Variants in KDR observed in about 807,000 individuals in gnomAD.
The protein encoded by KDR is kinase insert domain receptor.
KDR carries 43 observed loss-of-function variants against 160.9 expected under a neutral mutation model. The ratio of observed to expected loss-of-function variants is 0.27; its 90% CI spans 0.21 to 0.34. The LOEUF is 0.34. Ranked by LOEUF, KDR falls within the 10% of genes least tolerant of loss-of-function variation. The pLI is 1.00. For synonymous variants in KDR, 617 were observed against 600.1 expected (o/e 1.03, Z -0.41); for missense variants, 1,469 against 1,666.4 (o/e 0.88, Z 2.06).
Position 55,120,457 on chromosome 4 carries a change from C to T in KDR, c.161+640G>A, listed in dbSNP as rs368226390. Among the ~76,000 whole-genome samples the T allele has an allele frequency of 1.4e-4, 21 of 152,314 alleles. No individual in the cohort carries two copies. In the South Asian group the frequency reaches 4.1e-3, roughly 30 times the overall value. On this transcript the variant is annotated intron_variant, in intron 2 of 29. Coordinates refer to ENST00000263923, the MANE Select transcript of KDR (RefSeq NM_002253.4). Reference sequence around the variant, plus strand: ...CTCTTCTTCTTGACAAAGAAGTCTACTTCTCCAGTTATCAAAAATCAATAG... The same window carrying T: ...CTCTTCTTCTTGACAAAGAAGTCTATTTCTCCAGTTATCAAAAATCAATAG...
chr4:55,100,376 G>A (rs1186292020), intron 15 of KDR, among the ~76,000 whole-genome samples: 1 of 152,134 alleles, frequency 6.6e-6, no homozygotes, highest in Non-Finnish European at 1.5e-5. Flanking sequence ...CAAAGAGTCT[G>A]TTTTCTATGT....
rs146444498 is a variant in KDR at position 55,104,824 on chromosome 4, A to T, written c.1806T>A (p.Val602=). 4.6e-5 allele frequency: 74 copies of T among 1,613,970 alleles called. No homozygotes were observed. The African/African-American group carries it at 9.3e-4, about 20-fold the overall frequency. Reference sequence around the variant, plus strand: ...TCCAAAGAGTATCCAAGTTCTTGCAAACAGGTGTGGGCAACTCTCCCACAT... The same window carrying T: ...TCCAAAGAGTATCCAAGTTCTTGCATACAGGTGTGGGCAACTCTCCCACAT... ...PIHVGELPTP[V]CKNLDTLWKL... is the part of the protein sequence containing the mutation. The change falls in exon 13 of 30, where the codon GTT becomes GTA. Residue 602 remains valine, a synonymous_variant. Transcript: ENST00000263923.
chr4:55,088,908 A>G lies in KDR; in HGVS notation c.3470T>C (p.Val1157Ala). 1 of 1,614,144 alleles carries G rather than the reference A, an allele frequency of 6.2e-7. No individual in the cohort carries two copies. The highest frequency in any genetic ancestry group is 8.5e-7 in the Non-Finnish European group (1 of 1,179,994). The part of the protein sequence containing the change: ...PSQRPTFSEL[V>A]EHLGNLLQAN... ...TTGCAAGAGATTTCCCAAATGTTCC[A>G]CCAACTCTGAAAACGTGGGTCTCTG... Residue 1157 changes from valine (V) to alanine (A), a missense_variant, in exon 26 of 30, where the codon GTG becomes GCG. Physicochemically the swap from Val to Ala is moderately conservative, Grantham distance 64. This residue lies in a region of KDR where 132 missense variants were observed against 195.9 expected (regional missense o/e 0.67). Transcript: ENST00000263923.
chr4:55,102,154 A>G, intron 14 of KDR, 126 bp from the exon 15 acceptor site: 2 of 1,395,920 alleles, frequency 1.4e-6, no homozygotes, highest in Non-Finnish European at 2.0e-6. Context: ...GTAGAGTCAC[A>G]TGGGATCTAC....
chr4:55,102,435 T>C lies in KDR; in HGVS notation c.2061A>G (p.Ser687=), dbSNP rs1720338739. The change falls in exon 14 of 30, where the codon TCA becomes TCG. Residue 687 remains serine (S), a synonymous_variant. Transcript: ENST00000263923. ...TTSIGESIEV[S]CTASGNPPPQ... is the part of the protein sequence containing the mutation. ...GAGGGGGATTCCCAGATGCCGTGCA[T>C]GAGACTTCGATGCTTTCCCCAATAC... 1.2e-6 allele frequency: 2 copies of C among 1,613,264 alleles called. No homozygotes were observed. Among genetic ancestry groups the C allele is most frequent in the Non-Finnish European group, 8.5e-7 (1 of 1,179,374 alleles).
intron 25 of KDR, 66 bp from the exon 26 acceptor site, chr4:55,089,039 T>C (rs1228828231): frequency 1.8e-6 from 2 of 1,130,048 alleles, no homozygotes; most frequent in East Asian, 4.8e-5. Context: ...AATAAGCACT[T>C]AAATGAGTAC....
chr4:55,090,151 A>G (rs1045141000), intron 22 of KDR, 73 bp from the exon 23 acceptor site: 47 of 1,579,942 alleles, frequency 3.0e-5, no homozygotes, highest in Non-Finnish European at 3.8e-5. Flanking sequence ...GACCTCATGC[A>G]TCAAAAAAAA....
intron 9 of KDR, among the ~76,000 whole-genome samples, chr4:55,109,006 T>C (rs993782803): frequency 2.0e-5 from 3 of 152,094 alleles, no homozygotes; most frequent in African/African-American, 7.2e-5. Context: ...CCTCCTCCCA[T>C]CCTACTTATA....
chr4:55,124,391 A>T (rs1720975913), intron 1 of KDR, among the ~76,000 whole-genome samples: 1 of 152,156 alleles, frequency 6.6e-6, no homozygotes, highest in Non-Finnish European at 1.5e-5. Context: ...TGTGTTCCTA[A>T]TTGAAGGAGA....
At position 55,081,975 on chromosome 4, in the gene KDR, T is replaced by C. The variant is rs1420386006; in HGVS notation, c.3829A>G (p.Lys1277Glu). Residue 1277 changes from lysine (K) to glutamate (E), a missense_variant, in exon 29 of 30, where the codon AAA (lysine) becomes GAA (glutamate). This residue lies in a region of KDR where 229 missense variants were observed against 197.8 expected (regional missense o/e 1.16). Transcript: ENST00000263923. Reference sequence around the variant, plus strand: ...TCTTACCCAAAAGATGGAGATAATTTGGTTCTGTCTTCCAAAGTTTTCAGC... The same window carrying C: ...TCTTACCCAAAAGATGGAGATAATTCGGTTCTGTCTTCCAAAGTTTTCAGC... ...EELKTLEDRT[K>E]LSPSFGGMVP... is the part of the protein sequence containing the mutation. The C allele has an allele frequency of 5.0e-6, 8 of 1,612,394 alleles. No individual in the cohort carries two copies. In the Admixed American group the frequency reaches 1.3e-4, roughly 27 times the overall value.
chr4:55,081,068 G>C (rs1249177460), intron 29 of KDR, among the ~76,000 whole-genome samples: 1 of 152,198 alleles, frequency 6.6e-6, no homozygotes, highest in African/African-American at 2.4e-5. Context: ...CATGATACTT[G>C]CCGAATAAAC....
At chr4:55,109,898 T>C (rs773810427) in intron 9 of KDR, among the ~76,000 whole-genome samples, 25 of 152,072 alleles carry the variant, frequency 1.6e-4, no homozygotes, top group Non-Finnish European at 3.7e-4. Flanking sequence ...TGAACTCCTG[T>C]CAAAAAGGAA....
chr4:55,125,015 G>A (rs1352811169), intron 1 of KDR, among the ~76,000 whole-genome samples: 1 of 152,184 alleles, frequency 6.6e-6, no homozygotes, highest in Non-Finnish European at 1.5e-5. Flanking sequence ...CCTAGAAAAG[G>A]AACTGGGCTA....
rs756900989 is a variant in KDR at position 55,125,209 on chromosome 4, C to G, written c.67+18G>C. On this transcript the variant is annotated intron_variant, in intron 1 of 29. Transcript: ENST00000263923. ...CACCCGACCTGTCTGCCTTCCTCCT[C>G]CAGAGTGGGCTCCTTACCCACAGAG... 2.5e-6 allele frequency: 4 copies of G among 1,610,016 alleles called. No individual in the cohort carries two copies. The highest frequency in any genetic ancestry group is 3.4e-6 in the Non-Finnish European group (4 of 1,178,440).
At chr4:55,107,682 C>T (rs149151577) in intron 10 of KDR, 55 bp downstream of exon 10, 14 of 1,610,620 alleles carry the variant, frequency 8.7e-6, no homozygotes, top group East Asian at 2.2e-5. Context: ...TATCATAGCT[C>T]AGCTGTAAGA....
intron 5 of KDR, 38 bp from the exon 6 acceptor site, chr4:55,114,303 G>A (rs1342247095): frequency 1.2e-6 from 2 of 1,601,262 alleles, no homozygotes; most frequent in South Asian, 1.1e-5. Flanking sequence ...ACATGAGAGA[G>A]CAAATAAGCC....
At position 55,095,643 on chromosome 4, in the gene KDR, T is replaced by G. The variant is rs1169737993; in HGVS notation, c.2751A>C (p.Glu917Asp). The change falls in exon 20 of 30, where the codon GAA becomes GAC. Residue 917 changes from glutamate (E) to aspartate (D), a missense_variant. Around this residue, in one of 7 missense-constraint regions of KDR, gnomAD observed 151 missense variants for 207.2 expected, o/e 0.73. Transcript: ENST00000263923. ...KPGGPLMVIV[E>D]FCKFGNLSTY... ...TGGACAGGTTTCCAAATTTGCAGAATTCCACAATCACCATGAGTGGCCCTG... is the reference window on the plus strand; with the variant it reads ...TGGACAGGTTTCCAAATTTGCAGAAGTCCACAATCACCATGAGTGGCCCTG... 1 of 1,613,686 alleles carries G rather than the reference T, an allele frequency of 6.2e-7. No homozygotes were observed. Among genetic ancestry groups the G allele is most frequent in the Non-Finnish European group, 8.5e-7 (1 of 1,179,684 alleles).
At chr4:55,081,865 A>G in intron 29 of KDR, 91 bp downstream of exon 29, 2 of 827,944 alleles carry the variant, frequency 2.4e-6, no homozygotes, top group Non-Finnish European at 4.2e-6. Context: ...CAAAGACCCC[A>G]TAGGGAAAAT....
At chr4:55,110,959 G>C (rs1333045494) in intron 7 of KDR, among the ~76,000 whole-genome samples, 191 bp from the exon 8 acceptor site, 1 of 152,048 alleles carries the variant, frequency 6.6e-6, no homozygotes, top group Non-Finnish European at 1.5e-5. Context: ...CACACCTCCT[G>C]TGTTTGCATT....
Sources: allele counts gnomAD v4.1 joint callset (sites outside exome capture counted in the v4.1 genomes callset), GRCh38; gene constraint gnomAD v4.1.1; regional missense constraint gnomAD v4.1.1; transcripts MANE v1.5; gene names NCBI Gene and HGNC (gene_info 2026-07-23, HGNC 2026-07-21).